ZSCAN25: variants seen among roughly 807,000 people sequenced by gnomAD.
ZSCAN25 encodes zinc finger and SCAN domain-containing protein 25.
Under a neutral mutation model 38.7 loss-of-function variants are expected in ZSCAN25, and 27 were observed. The ratio of observed to expected loss-of-function variants is 0.70; its 90% CI spans 0.51 to 0.96. The LOEUF (loss-of-function observed/expected upper bound fraction) is 0.96, where lower values mean the gene tolerates loss of function less well. ZSCAN25 is among the 40% of genes least tolerant of loss of function. The pLI is 0.00. For missense variants in ZSCAN25, 637 were observed against 705.9 expected (o/e 0.90, Z 1.11); for synonymous variants, 273 against 277.7 (o/e 0.98, Z 0.17).
chr7:99,735,151 G>C, the ZSCAN25 span: 17 of 1,607,838 alleles, frequency 1.1e-5, no homozygotes, highest in Non-Finnish European at 1.4e-5. Flanking sequence ...GCGTGCTGCT[G>C]TTTGCTGGGC....
At chr7:99,636,848 A>G (rs1344306512), downstream of ZSCAN25, among the ~76,000 whole-genome samples, 1 of 152,224 alleles carries the variant, frequency 6.6e-6, no homozygotes, top group Non-Finnish European at 1.5e-5. Flanking sequence ...TTACACATGA[A>G]GAAAAATTAA....
chr7:99,718,390 A>T, the ZSCAN25 span, among the ~76,000 whole-genome samples: 1 of 152,200 alleles, frequency 6.6e-6, no homozygotes, highest in Non-Finnish European at 1.5e-5. Flanking sequence ...GAAAGAGATA[A>T]TTATTTTTGC....
the ZSCAN25 span, among the ~76,000 whole-genome samples, chr7:99,678,539 T>C: frequency 6.6e-6 from 1 of 152,198 alleles, no homozygotes; most frequent in Non-Finnish European, 1.5e-5. Flanking sequence ...ATTTGTGCAT[T>C]AGACTCATAT....
chr7:99,700,639 A>G, the ZSCAN25 span, among the ~76,000 whole-genome samples: 7 of 151,554 alleles, frequency 4.6e-5, no homozygotes, highest in Admixed American at 3.9e-4. Context: ...CCTCTCTACC[A>G]CCCTTGTGGG....
the ZSCAN25 span, among the ~76,000 whole-genome samples, chr7:99,709,769 T>C: frequency 4.6e-3 from 310 of 67,126 alleles, 1 homozygote; most frequent in African/African-American, 9.1e-3. Context: ...ATTTGTATTA[T>C]ATATATGTGT....
At chr7:99,670,693 T>A in the ZSCAN25 span, among the ~76,000 whole-genome samples, 6 of 152,320 alleles carry the variant, frequency 3.9e-5, no homozygotes, top group East Asian at 1.2e-3. Context: ...TGCTTCACAA[T>A]CACACCTTGT....
At chr7:99,650,871 T>A in the ZSCAN25 span, among the ~76,000 whole-genome samples, 4 of 152,200 alleles carry the variant, frequency 2.6e-5, no homozygotes, top group African/African-American at 9.6e-5. Context: ...GCTACCCTAC[T>A]GTAGTGTCAT....
the ZSCAN25 span, among the ~76,000 whole-genome samples, chr7:99,681,686 G>A: frequency 1.1e-4 from 16 of 152,210 alleles, no homozygotes; most frequent in South Asian, 1.5e-3. Flanking sequence ...TTGTTTGAGC[G>A]CTTCATGTAT....
At chr7:99,618,816 C>T (rs747842696) in intron 2 of ZSCAN25, among the ~76,000 whole-genome samples, 165 bp downstream of exon 2, 5 of 152,196 alleles carry the variant, frequency 3.3e-5, no homozygotes, top group Non-Finnish European at 7.3e-5. Context: ...CTGTCTGCCT[C>T]TGCCACCTCT....
chr7:99,722,295 C>G, the ZSCAN25 span: 1 of 1,613,622 alleles, frequency 6.2e-7, no homozygotes, highest in Non-Finnish European at 8.5e-7. Context: ...AGAATACTCA[C>G]CCCCAGACTT....
At chr7:99,714,661 G>A in the ZSCAN25 span, 20 of 1,612,360 alleles carry the variant, frequency 1.2e-5, 2 homozygotes, top group Middle Eastern at 1.7e-3. Context: ...TTCAAGAATT[G>A]GGGTAAGGAA....
Position 99,631,908 on chromosome 7 carries a change from A to G in ZSCAN25, c.*1888A>G. Reference sequence around the variant, plus strand: ...CAAAATCAGCTTTTTTTCCCCCGTAATTATCAGAGCAGCTAGGCAGGGCTG... The same window carrying G: ...CAAAATCAGCTTTTTTTCCCCCGTAGTTATCAGAGCAGCTAGGCAGGGCTG... On this transcript the variant is annotated 3_prime_UTR_variant, in exon 8 of 8. Coordinates refer to ENST00000394152, the MANE Select transcript of ZSCAN25 (RefSeq NM_145115.3). 1.0e-6 allele frequency: 1 copy of G among 985,434 alleles called. No individual in the cohort carries two copies. Among genetic ancestry groups the G allele is most frequent in the Non-Finnish European group, 1.2e-6 (1 of 829,974 alleles). The allele number at this position is 985,434 out of a possible 1,614,324, so 61.0% of individuals were successfully genotyped here. A position where few individuals can be genotyped will look rare whatever the true frequency, so the allele number is the denominator to read the frequency against.
the ZSCAN25 span, chr7:99,663,880 A>T: frequency 3.4e-6 from 5 of 1,458,764 alleles, no homozygotes; most frequent in South Asian, 1.6e-5. Flanking sequence ...CTTTATTTTT[A>T]AAAATACAGA....
At position 99,622,536 on chromosome 7, in the gene ZSCAN25, T is replaced by G. The variant is rs758573819; in HGVS notation, c.590-13T>G. The G allele has an allele frequency of 9.9e-6, 16 of 1,613,688 alleles. No individual in the cohort carries two copies. The Middle Eastern group carries it at 1.2e-3, about 116-fold the overall frequency. On this transcript the variant is annotated splice_polypyrimidine_tract_variant and intron_variant, in intron 5 of 7. Transcript: ENST00000394152. ...TCCTTCTGATCTTTCTCATGCTTTT[T>G]GTCCCTGCTCAGCACTACCTGTTCT...
At chr7:99,733,241 A>G in the ZSCAN25 span, among the ~76,000 whole-genome samples, 2 of 152,208 alleles carry the variant, frequency 1.3e-5, no homozygotes, top group South Asian at 2.1e-4. Context: ...TACATGTTAC[A>G]TGATCTCTCA....
chr7:99,627,522 C>G (rs1807581459), intron 7 of ZSCAN25, among the ~76,000 whole-genome samples: 1 of 152,100 alleles, frequency 6.6e-6, no homozygotes, highest in Non-Finnish European at 1.5e-5. Context: ...ACTACAGCTT[C>G]ACACCATGAT....
At chr7:99,732,032 GC>G in the ZSCAN25 span, among the ~76,000 whole-genome samples, 2 of 152,128 alleles carry the variant, frequency 1.3e-5, no homozygotes, top group Non-Finnish European at 2.9e-5. Context: ...CTGAATCTGT[GC>G]CCCTACCCAA....
At chr7:99,661,559 C>T in the ZSCAN25 span, among the ~76,000 whole-genome samples, 1 of 152,166 alleles carries the variant, frequency 6.6e-6, no homozygotes, top group Non-Finnish European at 1.5e-5. Flanking sequence ...GAGAAGCTCA[C>T]GATGGTCCAT....
At chr7:99,652,458 G>T in the ZSCAN25 span, 9 of 745,168 alleles carry the variant, frequency 1.2e-5, no homozygotes, top group Non-Finnish European at 1.7e-5. Context: ...GCAAATGATT[G>T]TACAACCACA....
Sources: gnomAD v4.1 joint callset for allele counts (sites outside exome capture counted in the v4.1 genomes callset) on GRCh38, gnomAD v4.1.1 for gene constraint, MANE v1.5 for transcripts, NCBI Gene and HGNC (gene_info 2026-07-23, HGNC 2026-07-21) for gene names.